OSMR: variants seen among roughly 807,000 people sequenced by gnomAD.
The protein encoded by OSMR is oncostatin-M-specific receptor subunit beta.
In OSMR, 81 loss-of-function variants were observed where a neutral mutation model predicts 99.9. The ratio of observed to expected loss-of-function variants is 0.81; its 90% CI spans 0.68 to 0.97. The LOEUF (loss-of-function observed/expected upper bound fraction) is 0.97. Among genes scored for constraint, OSMR ranks in the 50% least tolerant of loss-of-function variants. The pLI is 0.00. For missense variants in OSMR, 1,099 were observed against 1,153.4 expected (o/e 0.95, Z 0.68); for synonymous variants, 406 against 410.4 (o/e 0.99, Z 0.13).
chr5:38,866,270 T>C (rs6865980), intron 1 of OSMR, among the ~76,000 whole-genome samples: 10,087 of 152,144 alleles, frequency 0.066, 894 homozygotes, highest in East Asian at 0.46. Flanking sequence ...AGTTGATCCC[T>C]AGGGCCCTGG....
chr5:38,938,040 C>CA (rs879931809), downstream of OSMR: 15 of 202,260 alleles, frequency 7.4e-5, no homozygotes, highest in Admixed American at 1.8e-4. Context: ...AAAATCACAA[C>CA]AAAAAAAATC....
At chr5:38,860,685 C>T (rs1455134640) in intron 1 of OSMR, among the ~76,000 whole-genome samples, 5 of 151,938 alleles carry the variant, frequency 3.3e-5, no homozygotes, top group Non-Finnish European at 7.4e-5. Flanking sequence ...GTAATTTTTT[C>T]TTTTGAGATG....
chr5:38,863,415 T>C (rs1741671092), intron 1 of OSMR, among the ~76,000 whole-genome samples: 1 of 150,036 alleles, frequency 6.7e-6, no homozygotes, highest in African/African-American at 2.5e-5. Flanking sequence ...CATGTGCCTG[T>C]AGTCCCAGCT....
At chr5:38,851,406 T>TG (rs1056984376) in intron 1 of OSMR, among the ~76,000 whole-genome samples, 24 of 152,070 alleles carry the variant, frequency 1.6e-4, no homozygotes, top group African/African-American at 5.8e-4. Flanking sequence ...AGAGATTTAC[T>TG]GGGGGAAGGA....
Position 38,919,048 on chromosome 5 carries a change from C to A in OSMR, c.1571C>A (p.Ala524Glu). 6.2e-7 allele frequency: 1 copy of A among 1,613,924 alleles called. No individual in the cohort carries two copies. Among genetic ancestry groups the A allele is most frequent in the Non-Finnish European group, 8.5e-7 (1 of 1,179,796 alleles). Residue 524 changes from alanine to glutamate, a missense_variant, in exon 11 of 18, where the codon GCA (alanine) becomes GAA (glutamate). Ala to Glu is a moderately radical substitution (Grantham distance 107). Transcript: ENST00000274276. Reference protein sequence around the residue: ...ASPASVIVISADPENKEVEEE... With the variant: ...ASPASVIVISEDPENKEVEEE... Reference sequence around the variant, plus strand: ...CCTGCTTCTGTAATAGTCATCTCTGCAGACCCCGAAAACAGTGAGTTTGTT... The same window carrying A: ...CCTGCTTCTGTAATAGTCATCTCTGAAGACCCCGAAAACAGTGAGTTTGTT...
intron 1 of OSMR, among the ~76,000 whole-genome samples, chr5:38,861,822 T>A (rs370028418): frequency 1.8e-5 from 2 of 113,734 alleles, no homozygotes; most frequent in East Asian, 5.4e-4. Flanking sequence ...TAGGGGCGGC[T>A]GGGCAGAGGC....
chr5:38,874,403 T>C (rs1435924796), intron 2 of OSMR, among the ~76,000 whole-genome samples: 6 of 152,156 alleles, frequency 3.9e-5, no homozygotes, highest in Admixed American at 2.6e-4. Flanking sequence ...CCATTGTGGC[T>C]CCCTTTCCTT....
chr5:38,939,839 T>C, downstream of OSMR: 2 of 224,172 alleles, frequency 8.9e-6, no homozygotes, highest in Non-Finnish European at 1.8e-5. Flanking sequence ...ACTGCTGATA[T>C]CATTCCTAAC....
At chr5:38,851,571 C>T (rs1205046501) in intron 1 of OSMR, among the ~76,000 whole-genome samples, 5 of 152,164 alleles carry the variant, frequency 3.3e-5, no homozygotes, top group African/African-American at 9.7e-5. Context: ...TGTGAATCTT[C>T]CACAGATCTG....
At chr5:38,869,456 C>A (rs986067008) in intron 2 of OSMR, among the ~76,000 whole-genome samples, 3 of 152,182 alleles carry the variant, frequency 2.0e-5, no homozygotes, top group Admixed American at 1.3e-4. Flanking sequence ...CTGTACCTTG[C>A]TGAGAAAAGA....
intron 9 of OSMR, among the ~76,000 whole-genome samples, chr5:38,905,682 G>A (rs575150561): frequency 2.0e-5 from 3 of 152,206 alleles, no homozygotes; most frequent in South Asian, 2.1e-4. Flanking sequence ...ACTGAGCTGC[G>A]ACTCACGTCC....
chr5:38,930,613 T>C (rs184666709), intron 15 of OSMR, among the ~76,000 whole-genome samples: 1 of 152,278 alleles, frequency 6.6e-6, no homozygotes, highest in East Asian at 1.9e-4. Context: ...AGCTGAATTA[T>C]TATTTGGTGG....
chr5:38,936,293 C>T (rs540081416), downstream of OSMR, among the ~76,000 whole-genome samples: 3 of 152,026 alleles, frequency 2.0e-5, no homozygotes, highest in African/African-American at 7.3e-5. Context: ...TATCTGAGTT[C>T]TCTAAATAAG....
chr5:38,913,360 T>C (rs1745705906), intron 9 of OSMR, among the ~76,000 whole-genome samples: 1 of 151,764 alleles, frequency 6.6e-6, no homozygotes, highest in Non-Finnish European at 1.5e-5. Flanking sequence ...CCATCCTGGC[T>C]AACGTGGTGA....
intron 16 of OSMR, 61 bp downstream of exon 16, chr5:38,932,025 T>G: frequency 8.2e-7 from 1 of 1,226,948 alleles, no homozygotes; most frequent in Non-Finnish European, 1.2e-6. Flanking sequence ...GGAAAGAGAT[T>G]TAGTAAGATA....
At chr5:38,942,481 G>C in intron 1 of OSMR, 1 of 528,594 alleles carries the variant, frequency 1.9e-6, no homozygotes, top group Non-Finnish European at 3.2e-6. Flanking sequence ...ATAGGGTCTT[G>C]CTCAGTCTTC....
chr5:38,904,527 A>T, intron 9 of OSMR, 24 bp downstream of exon 9: 1 of 1,614,116 alleles, frequency 6.2e-7, no homozygotes, highest in Non-Finnish European at 8.5e-7. Context: ...CTGGCATTTA[A>T]CCCAAAGAAG....
At chr5:38,908,023 G>C (rs1168186342) in intron 9 of OSMR, among the ~76,000 whole-genome samples, 1 of 151,982 alleles carries the variant, frequency 6.6e-6, no homozygotes, top group Non-Finnish European at 1.5e-5. Flanking sequence ...CAGCGTGAAT[G>C]TGTGCATGGC....
At chr5:38,860,336 T>C (rs2112122707) in intron 1 of OSMR, among the ~76,000 whole-genome samples, 1 of 152,348 alleles carries the variant, frequency 6.6e-6, no homozygotes, top group East Asian at 1.9e-4. Context: ...ATATGGTTTT[T>C]GTCTTTCATT....
Sources: allele counts gnomAD v4.1 joint callset (sites outside exome capture counted in the v4.1 genomes callset), GRCh38; gene constraint gnomAD v4.1.1; transcripts MANE v1.5; gene names NCBI Gene and HGNC (gene_info 2026-07-23, HGNC 2026-07-21).